Variants in CDC42SE2 observed in about 807,000 individuals in gnomAD.
CDC42SE2 encodes the protein CDC42 small effector 2.
A neutral mutation model predicts 11.5 loss-of-function variants in CDC42SE2; 3 were observed. The ratio of observed to expected loss-of-function variants is 0.26; its 90% CI spans 0.12 to 0.67. The LOEUF (loss-of-function observed/expected upper bound fraction) is 0.67. Ranked by LOEUF, CDC42SE2 falls within the 30% of genes least tolerant of loss-of-function variation. The pLI is 0.80. For synonymous variants in CDC42SE2, 33 were observed against 34.8 expected (o/e 0.95, Z 0.18); for missense variants, 82 against 106.8 (o/e 0.77, Z 1.02).
chr5:131,350,798 C>T (rs1005048541), intron 2 of CDC42SE2, among the ~76,000 whole-genome samples: 2 of 151,718 alleles, frequency 1.3e-5, no homozygotes, highest in African/African-American at 4.8e-5. Flanking sequence ...AAACTAAAAG[C>T]AATTTTGAAA....
chr5:131,243,521 G>A (rs1383694276), upstream of CDC42SE2, among the ~76,000 whole-genome samples: 1 of 152,314 alleles, frequency 6.6e-6, no homozygotes, highest in South Asian at 2.1e-4. Context: ...GGAAGGTGGA[G>A]GTTGCTGTGA....
At chr5:131,303,745 C>T (rs1266871346) in intron 1 of CDC42SE2, among the ~76,000 whole-genome samples, 3 of 152,208 alleles carry the variant, frequency 2.0e-5, no homozygotes, top group Admixed American at 2.0e-4. Context: ...AGCCTGTACT[C>T]ATTCATTGGA....
intron 2 of CDC42SE2, among the ~76,000 whole-genome samples, chr5:131,330,405 G>A (rs756850323): frequency 6.6e-6 from 1 of 152,064 alleles, no homozygotes; most frequent in Non-Finnish European, 1.5e-5. Flanking sequence ...GTTCCTGATT[G>A]TTGCTTTTAG....
At chr5:131,301,090 C>T (rs529463630) in intron 1 of CDC42SE2, among the ~76,000 whole-genome samples, 1 of 152,252 alleles carries the variant, frequency 6.6e-6, no homozygotes, top group Non-Finnish European at 1.5e-5. Context: ...TTTGACCATA[C>T]ACAAAATACA....
intron 2 of CDC42SE2, among the ~76,000 whole-genome samples, chr5:131,319,868 A>ACG (rs1264110492): frequency 8.6e-5 from 13 of 151,764 alleles, no homozygotes; most frequent in Middle Eastern, 3.4e-3. Context: ...TGGCTAAAGC[A>ACG]GTGAAACCCC....
intron 3 of CDC42SE2, among the ~76,000 whole-genome samples, chr5:131,366,056 C>CT (rs1749847376): frequency 6.6e-6 from 1 of 152,186 alleles, no homozygotes; most frequent in East Asian, 1.9e-4. Context: ...TCATAGAAGA[C>CT]TGATTCAAAT....
intron 2 of CDC42SE2, among the ~76,000 whole-genome samples, chr5:131,358,207 A>G (rs144632705): frequency 2.0e-5 from 3 of 152,296 alleles, no homozygotes; most frequent in Non-Finnish European, 2.9e-5. Flanking sequence ...CAAACTGTCT[A>G]TTGGACATCT....
chr5:131,285,292 A>G (rs1757317982), intron 1 of CDC42SE2, among the ~76,000 whole-genome samples: 1 of 152,092 alleles, frequency 6.6e-6, no homozygotes, highest in South Asian at 2.1e-4. Flanking sequence ...CCGCCCCAAA[A>G]TAAAACCCAA....
chr5:131,345,625 T>C (rs1378238237), intron 2 of CDC42SE2, among the ~76,000 whole-genome samples: 3 of 152,054 alleles, frequency 2.0e-5, no homozygotes. Flanking sequence ...CAGGCCAACA[T>C]TCAAATTCAG....
At chr5:131,281,276 T>C (rs1757233868) in intron 1 of CDC42SE2, among the ~76,000 whole-genome samples, 1 of 152,220 alleles carries the variant, frequency 6.6e-6, no homozygotes, top group Non-Finnish European at 1.5e-5. Context: ...TTGTGCTACT[T>C]CCTGAATGGT....
the CDC42SE2 span, among the ~76,000 whole-genome samples, chr5:131,218,765 C>T: frequency 1.3e-5 from 2 of 152,044 alleles, no homozygotes; most frequent in South Asian, 2.1e-4. Flanking sequence ...AGGAAATCAC[C>T]TGATGGGGAC....
chr5:131,335,338 G>A (rs1758529358), intron 2 of CDC42SE2, among the ~76,000 whole-genome samples: 1 of 152,184 alleles, frequency 6.6e-6, no homozygotes, highest in Non-Finnish European at 1.5e-5. Flanking sequence ...GAGACAGTTT[G>A]TTATGATTTC....
At chr5:131,234,075 A>G in the CDC42SE2 span, among the ~76,000 whole-genome samples, 1 of 152,250 alleles carries the variant, frequency 6.6e-6, no homozygotes, top group Admixed American at 6.5e-5. Context: ...TGTTGTATTA[A>G]GTAAATGAAA....
At chr5:131,227,319 T>G in the CDC42SE2 span, among the ~76,000 whole-genome samples, 1 of 152,116 alleles carries the variant, frequency 6.6e-6, no homozygotes. Context: ...AAGAAAGACT[T>G]TACATCTGTT....
intron 2 of CDC42SE2, among the ~76,000 whole-genome samples, chr5:131,336,288 G>C (rs1758559454): frequency 6.6e-6 from 1 of 152,176 alleles, no homozygotes; most frequent in African/African-American, 2.4e-5. Flanking sequence ...TAAGAATGTT[G>C]AATATTGTCC....
In CDC42SE2 at chr5:131,307,571, G is replaced by C. The variant is rs573460219; in HGVS notation, c.-454-8405G>C. 2.7e-4 allele frequency among the ~76,000 whole-genome samples: 41 copies of C among 152,040 alleles called. No individual in the cohort carries two copies. In the South Asian group the frequency reaches 3.5e-3, roughly 13 times the overall value. On this transcript the variant is annotated intron_variant, in intron 1 of 4. Transcript: ENST00000505065. ...TAGCAGCATGATTTATAATCCTTTGGGTATATACCCAGTAATGGGACGGCT... is the reference window on the plus strand; with the variant it reads ...TAGCAGCATGATTTATAATCCTTTGCGTATATACCCAGTAATGGGACGGCT...
intron 1 of CDC42SE2, among the ~76,000 whole-genome samples, chr5:131,287,374 T>C (rs1757362731): frequency 6.6e-6 from 1 of 152,240 alleles, no homozygotes; most frequent in African/African-American, 2.4e-5. Context: ...TTTTCTTTTC[T>C]TTTAATCTGA....
chr5:131,290,472 CTT>C (rs1310572639), intron 1 of CDC42SE2, among the ~76,000 whole-genome samples: 1 of 126,856 alleles, frequency 7.9e-6, no homozygotes, highest in Admixed American at 7.9e-5. Flanking sequence ...TTTTTTCTTT[CTT>C]TTTTTTTTTT....
chr5:131,311,577 T>C (rs1757914850), intron 1 of CDC42SE2, among the ~76,000 whole-genome samples: 4 of 152,172 alleles, frequency 2.6e-5, no homozygotes, highest in South Asian at 2.1e-4. Flanking sequence ...CTTTCAGGTA[T>C]ACCAATCAGA....
Sources: gnomAD v4.1 joint callset for allele counts (sites outside exome capture counted in the v4.1 genomes callset) on GRCh38, gnomAD v4.1.1 for gene constraint, MANE v1.5 for transcripts, NCBI Gene and HGNC (gene_info 2026-07-23, HGNC 2026-07-21) for gene names.